The following KANSL3 variants were observed in gnomAD, a reference collection of about 807,000 sequenced individuals.
The protein encoded by KANSL3 is KAT8 regulatory NSL complex subunit 3.
A neutral mutation model predicts 89.2 loss-of-function variants in KANSL3; 16 were observed. The observed-to-expected ratio is 0.18, with a 90% CI of 0.12 to 0.27. KANSL3 has a LOEUF of 0.27. KANSL3 is among the 10% of genes least tolerant of loss of function. KANSL3 has a pLI of 1.00. For missense variants in KANSL3, 879 were observed against 1,110.6 expected (o/e 0.79, Z 2.96); for synonymous variants, 385 against 419.7 (o/e 0.92, Z 1.01).
Position 96,608,973 on chromosome 2 carries a change from T to C in KANSL3, c.1475A>G (p.Lys492Arg). Residue 492 changes from lysine to arginine, a missense_variant, in exon 13 of 21, where the codon AAG becomes AGG. Coordinates refer to ENST00000431828, the MANE Select transcript of KANSL3 (RefSeq NM_001115016.3). ...EPRDQDAEKK[K>R]KPRDVARRDL... The stretch of plus-strand genomic sequence containing the variant: ...TCTGCGGGCCACATCGCGGGGCTTC[T>C]TCTTCTTCTCAGCATCCTGATCCCG... The C allele has an allele frequency of 1.3e-6, 2 of 1,563,062 alleles. No individual in the cohort carries two copies. The highest frequency in any genetic ancestry group is 1.7e-6 in the Non-Finnish European group (2 of 1,153,470).
chr2:96,638,004 C>A (rs964961875), intron 1 of KANSL3: 4 of 152,394 alleles, frequency 2.6e-5, no homozygotes, highest in African/African-American at 7.2e-5. Flanking sequence ...CCAAGGTCAT[C>A]CAGAGTTCGC....
In KANSL3 at chr2:96,595,634, G is replaced by A. The variant is rs1467320721; in HGVS notation, c.2617-3C>T. ...CTTCAGGGTGCTGGAGGCAGGCGCTGTGGCAGGAGAGGTAGTGAAGAAGGG... is the reference window on the plus strand; with the variant it reads ...CTTCAGGGTGCTGGAGGCAGGCGCTATGGCAGGAGAGGTAGTGAAGAAGGG... On this transcript the variant is annotated splice_polypyrimidine_tract_variant and splice_region_variant and intron_variant, in intron 20 of 20. Coordinates refer to ENST00000431828, the MANE Select transcript of KANSL3 (RefSeq NM_001115016.3). The A allele has an allele frequency of 6.2e-7, 1 of 1,613,812 alleles. No individual in the cohort carries two copies. Among genetic ancestry groups the A allele is most frequent in the Non-Finnish European group, 8.5e-7 (1 of 1,179,774 alleles).
At chr2:96,590,021 G>A (rs763054820), downstream of KANSL3, among the ~76,000 whole-genome samples, 1 of 151,728 alleles carries the variant, frequency 6.6e-6, no homozygotes, top group Non-Finnish European at 1.5e-5. Context: ...TTAGACAGGT[G>A]TGGTGGTGGA....
At chr2:96,610,327 T>A in intron 11 of KANSL3, 1 of 153,048 alleles carries the variant, frequency 6.5e-6, no homozygotes, top group Admixed American at 6.5e-5. Context: ...AATTTTTTTT[T>A]TTTTTTGAGA....
chr2:96,595,439 G>GT lies in KANSL3; in HGVS notation c.*171dup, dbSNP rs1391804164. 9 of 596,262 alleles carry GT rather than the reference G, an allele frequency of 1.5e-5. No homozygotes were observed. The highest frequency in any genetic ancestry group is 4.5e-5 in the South Asian group (2 of 44,180). The allele number at this position is 596,262 out of a possible 1,614,324, so 36.9% of individuals were successfully genotyped here. A position where few individuals can be genotyped will look rare whatever the true frequency, so the allele number is the denominator to read the frequency against. On this transcript the variant is annotated 3_prime_UTR_variant, in exon 21 of 21. Coordinates refer to ENST00000431828, the MANE Select transcript of KANSL3 (RefSeq NM_001115016.3). ...CGATGGTGCTTCCCTTGCTGGCACC[G>GT]TATCACCTAACCTAATGGTTTCTCT...
In KANSL3 at chr2:96,604,824, G is replaced by C. The variant is rs1458326240; in HGVS notation, c.1973C>G (p.Ala658Gly). The stretch of plus-strand genomic sequence containing the variant: ...TGTGAGCTCCTTGGCCCCTGCTGAA[G>C]CCTGCCCCAGTGTCATGGTGATGGG... ...GKPITMTLGQ[A>G]SAGAKELTGL... Residue 658 changes from alanine (A) to glycine (G), a missense_variant, in exon 16 of 21, where the codon GCT becomes GGT. Ala to Gly is a moderately conservative substitution (Grantham distance 60). Transcript: ENST00000431828. The C allele has an allele frequency of 6.2e-7, 1 of 1,600,358 alleles. No individual in the cohort carries two copies. Among genetic ancestry groups the C allele is most frequent in the South Asian group, 1.1e-5 (1 of 87,968 alleles).
At chr2:96,627,946 C>A in intron 3 of KANSL3, 1 of 1,289,826 alleles carries the variant, frequency 7.8e-7, no homozygotes, top group Non-Finnish European at 1.0e-6. Flanking sequence ...TGTAAGCCTG[C>A]TGCCAATGAG....
intron 3 of KANSL3, among the ~76,000 whole-genome samples, chr2:96,620,086 T>C (rs138320752): frequency 2.6e-5 from 4 of 152,358 alleles, no homozygotes; most frequent in Non-Finnish European, 4.4e-5. Context: ...GCTAAAATTA[T>C]TCCAATCATA....
In KANSL3 at chr2:96,602,740, G is replaced by A. The variant is rs2067366977; in HGVS notation, c.2259+13C>T. On this transcript the variant is annotated intron_variant, in intron 18 of 20. Transcript: ENST00000431828. ...CCTACACCTGCCCAGCCCAGCAGAT[G>A]GCAGATGTGCACCTGTGGGGCTGGT... 2 of 1,575,650 alleles carry A rather than the reference G, an allele frequency of 1.3e-6. No individual in the cohort carries two copies. The highest frequency in any genetic ancestry group is 1.8e-5 in the Admixed American group (1 of 54,920).
At chr2:96,619,907 T>TA (rs1315154690) in intron 3 of KANSL3, 145 bp from the exon 4 acceptor site, 1 of 648,462 alleles carries the variant, frequency 1.5e-6, no homozygotes, top group African/African-American at 1.8e-5. Flanking sequence ...ACCACTGACC[T>TA]AAAACACAAG....
intron 14 of KANSL3, among the ~76,000 whole-genome samples, chr2:96,607,277 T>C (rs191681003): frequency 2.6e-4 from 40 of 152,020 alleles, no homozygotes; most frequent in African/African-American, 9.2e-4. Context: ...GCAATGCGAG[T>C]GCCATGAAGA....
At chr2:96,628,194 A>G in intron 3 of KANSL3, 2 of 1,273,312 alleles carry the variant, frequency 1.6e-6, no homozygotes, top group Non-Finnish European at 2.0e-6. Context: ...TAGAGGAAAG[A>G]TGTGTACATC....
intron 14 of KANSL3, chr2:96,606,554 G>C (rs1278441034): frequency 6.0e-6 from 1 of 166,394 alleles, no homozygotes; most frequent in Non-Finnish European, 1.3e-5. Flanking sequence ...ATCAGAGTAG[G>C]AAGGAGGGTG....
intron 9 of KANSL3, 123 bp from the exon 10 acceptor site, chr2:96,611,261 T>C (rs1459611265): frequency 4.1e-6 from 3 of 736,586 alleles, no homozygotes; most frequent in African/African-American, 1.7e-5. Flanking sequence ...TGTCCTAATA[T>C]CCGGGTGCAT....
intron 5 of KANSL3, among the ~76,000 whole-genome samples, chr2:96,617,890 G>T (rs1343679449): frequency 6.6e-6 from 1 of 151,604 alleles, no homozygotes; most frequent in Non-Finnish European, 1.5e-5. Context: ...GGAGGCTGAG[G>T]CAGAATTGCT....
chr2:96,637,363 A>G (rs2074389535), intron 1 of KANSL3, 178 bp from the exon 2 acceptor site: 1 of 501,426 alleles, frequency 2.0e-6, no homozygotes. Flanking sequence ...AAAAAAGAAA[A>G]AAAAAACTAT....
the KANSL3 span, among the ~76,000 whole-genome samples, chr2:96,580,997 T>C: frequency 1.3e-5 from 2 of 152,238 alleles, no homozygotes; most frequent in African/African-American, 4.8e-5. Flanking sequence ...ATCTGGCTCT[T>C]TCCCAGCCTT....
rs924763049 is a variant in KANSL3, at chr2:96,595,386, C to T, written c.*225G>A. 7.6e-6 allele frequency: 4 copies of T among 525,888 alleles called. No homozygotes were observed. Among genetic ancestry groups the T allele is most frequent in the African/African-American group, 1.9e-5 (1 of 52,292 alleles). 32.6% of individuals were successfully genotyped at this position (525,888 alleles called of 1,614,324 possible). Reference sequence around the variant, plus strand: ...CAGATCTGCTGAGGAGTCTGGGGTTCCCAGGAACCAGATTTGCAGATCCTG... The same window carrying T: ...CAGATCTGCTGAGGAGTCTGGGGTTTCCAGGAACCAGATTTGCAGATCCTG... On this transcript the variant is annotated 3_prime_UTR_variant, in exon 21 of 21. Transcript: ENST00000431828.
At chr2:96,592,693 G>C (rs2066299399), downstream of KANSL3, among the ~76,000 whole-genome samples, 1 of 152,166 alleles carries the variant, frequency 6.6e-6, no homozygotes, top group Non-Finnish European at 1.5e-5. Context: ...CTCTGTGCCT[G>C]TTTCCTCACT....
Sources: gnomAD v4.1 joint callset for allele counts (sites outside exome capture counted in the v4.1 genomes callset) on GRCh38, gnomAD v4.1.1 for gene constraint, MANE v1.5 for transcripts, NCBI Gene and HGNC (gene_info 2026-07-23, HGNC 2026-07-21) for gene names.